The following PROM2 variants were observed in gnomAD, a reference collection of about 807,000 sequenced individuals.
PROM2 encodes the protein prominin 2.
Under a neutral mutation model 110.2 loss-of-function variants are expected in PROM2, and 90 were observed. The observed-to-expected ratio is 0.82, with a 90% confidence interval of 0.69 to 0.97. PROM2 has a LOEUF of 0.97. Among genes scored for constraint, PROM2 ranks in the 50% least tolerant of loss-of-function variants. The pLI, the probability that PROM2 is intolerant of heterozygous loss-of-function variation, is 0.00. For missense variants in PROM2, 1,009 were observed against 1,074.8 expected, an observed-to-expected ratio of 0.94 and a Z score of 0.86; for synonymous variants, 470 against 467.8, an observed-to-expected ratio of 1.00 and a Z score of -0.06.
rs981047059 is a variant in PROM2 at position 95,275,336 on chromosome 2, G to A, written c.245-125G>A. On this transcript the variant is annotated intron_variant, in intron 1 of 23. Coordinates refer to ENST00000317620, the MANE Select transcript of PROM2 (RefSeq NM_001165978.3). This position sits in a 1 kb window ranked among gnomAD's most constrained non-coding sequence, Gnocchi z 4.4. ...GGGCTGCGGTGATGCAGCCTTCTGC[G>A]AGGGTGCCATGGTGGTGGCAGGAGC... The A allele has an allele frequency of 2.0e-5, 17 of 851,852 alleles. No homozygotes were observed. The highest frequency in any genetic ancestry group is 1.0e-4 in the African/African-American group (6 of 59,028). 52.8% of individuals were successfully genotyped at this position (851,852 alleles called of 1,614,324 possible). A position where few individuals can be genotyped will look rare whatever the true frequency, so the allele number is the denominator to read the frequency against.
Position 95,276,885 on chromosome 2 carries a change from C to T in PROM2, c.683-87C>T, listed in dbSNP as rs975825178. On this transcript the variant is annotated intron_variant, in intron 5 of 23. Coordinates refer to ENST00000317620, the MANE Select transcript of PROM2 (RefSeq NM_001165978.3). The surrounding 1 kb of genome is among the most constrained non-coding windows in gnomAD (Gnocchi z 4.6). ...TCCACCCCCCGGCTCCTGCAGAGCC[C>T]GGTGGGGCCTGGGGAGGCAGGATGG... 7.2e-5 allele frequency: 101 copies of T among 1,404,550 alleles called. No individual in the cohort carries two copies. Among genetic ancestry groups the T allele is most frequent in the East Asian group, 1.2e-4 (5 of 40,074 alleles). 87.0% of individuals were successfully genotyped at this position (1,404,550 alleles called of 1,614,324 possible). A position where few individuals can be genotyped will look rare whatever the true frequency, so the allele number is the denominator to read the frequency against.
At position 95,276,996 on chromosome 2, in the gene PROM2, C is replaced by T. The variant is rs535604152; in HGVS notation, c.707C>T (p.Ala236Val). Residue 236 changes from alanine (A) to valine (V), a missense_variant, in exon 6 of 24, where the codon GCG becomes GTG. Coordinates refer to ENST00000317620, the MANE Select transcript of PROM2 (RefSeq NM_001165978.3). The surrounding 1 kb of genome is among the most constrained non-coding windows in gnomAD (Gnocchi z 4.6). ...GGTGTTGGTGTGAGCATTGGGAGCGCGATCCACACTCAGCTCAGGAGCTCC... is the reference window on the plus strand; with the variant it reads ...GGTGTTGGTGTGAGCATTGGGAGCGTGATCCACACTCAGCTCAGGAGCTCC... ...LDGVGVSIGSAIHTQLRSSVY... is the reference protein window; with the variant it reads ...LDGVGVSIGSVIHTQLRSSVY... 1.6e-5 allele frequency: 24 copies of T among 1,543,396 alleles called. No homozygotes were observed. Among genetic ancestry groups the T allele is most frequent in the South Asian group, 8.4e-5 (7 of 83,052 alleles).
chr2:95,278,026 T>A, intron 8 of PROM2, 22 bp downstream of exon 8: 1 of 1,597,200 alleles, frequency 6.3e-7, no homozygotes, highest in Non-Finnish European at 8.5e-7. Context: ...CTGGTCTGCC[T>A]GATTTCTCCC....
chr2:95,282,648 G>A (rs867667417), intron 14 of PROM2, among the ~76,000 whole-genome samples: 21 of 152,272 alleles, frequency 1.4e-4, no homozygotes, highest in Middle Eastern at 3.4e-3. Flanking sequence ...CAGGTGGGAG[G>A]TGGTGGTGGC....
chr2:95,281,125 C>T (rs1330698646), intron 11 of PROM2, 117 bp from the exon 12 acceptor site: 58 of 1,389,822 alleles, frequency 4.2e-5, no homozygotes, highest in Non-Finnish European at 5.3e-5. Context: ...CCTCTAAAGG[C>T]TCTGTGCTGG....
In PROM2 at chr2:95,279,959, A is replaced by G; in HGVS notation, c.1389A>G (p.Pro463=). ...GLSARDDPSH[P]EAKGEAGARF... ...CTGCCAGGGACGACCCCAGCCACCC[A>G]GAAGCCAAGGGCGAGGCTGGAGCCC... Residue 463 remains proline (P), a synonymous_variant, in exon 11 of 24, where the codon CCA becomes CCG. Coordinates refer to ENST00000317620, the MANE Select transcript of PROM2 (RefSeq NM_001165978.3). 6.6e-7 allele frequency: 1 copy of G among 1,510,950 alleles called. No individual in the cohort carries two copies. Among genetic ancestry groups the G allele is most frequent in the Admixed American group, 2.2e-5 (1 of 46,124 alleles). The allele number at this position is 1,510,950 out of a possible 1,614,324, so 93.6% of individuals were successfully genotyped here.
intron 14 of PROM2, among the ~76,000 whole-genome samples, chr2:95,284,166 C>T (rs1677207767): frequency 6.6e-6 from 1 of 152,152 alleles, no homozygotes; most frequent in Admixed American, 6.5e-5. Context: ...GCCCTGAGGG[C>T]CTGCTGTGTG....
chr2:95,278,020 T>TCTGCCTGATTTCTCCCTCACCTGCC lies in PROM2; in HGVS notation c.1050+17_1050+41dup. On this transcript the variant is annotated intron_variant, in intron 8 of 23. Coordinates refer to ENST00000317620, the MANE Select transcript of PROM2 (RefSeq NM_001165978.3). ...GGTCCAGGAGGTGAGAGCCACCTGG[T>TCTGCCTGATTTCTCCCTCACCTGCC]CTGCCTGATTTCTCCCTCACCTGCC... The TCTGCCTGATTTCTCCCTCACCTGCC allele has an allele frequency of 6.2e-7, 1 of 1,600,854 alleles. No individual in the cohort carries two copies.
chr2:95,288,263 G>C lies in PROM2; in HGVS notation c.2297G>C (p.Ser766Thr). 1 of 1,614,116 alleles carries C rather than the reference G, an allele frequency of 6.2e-7. No homozygotes were observed. Among genetic ancestry groups the C allele is most frequent in the Non-Finnish European group, 8.5e-7 (1 of 1,180,036 alleles). Reference sequence around the variant, plus strand: ...CCCCTCTCCGGAGCCCTGGACAACAGCCGTGTGATCCTGTGTGACATGATG... The same window carrying C: ...CCCCTCTCCGGAGCCCTGGACAACACCCGTGTGATCCTGTGTGACATGATG... ...CQPLSGALDNSRVILCDMMAD... is the reference protein window; with the variant it reads ...CQPLSGALDNTRVILCDMMAD... Residue 766 changes from serine (S) to threonine (T), a missense_variant, in exon 21 of 24, where the codon AGC becomes ACC. Ser to Thr is a moderately conservative substitution (Grantham distance 58, BLOSUM62 1). Transcript: ENST00000317620.
Position 95,285,097 on chromosome 2 carries a change from C to T in PROM2, c.1857C>T (p.Tyr619=), listed in dbSNP as rs201667203. Residue 619 remains tyrosine (Y), a synonymous_variant, in exon 15 of 24, where the codon TAC becomes TAT. Transcript: ENST00000317620. The part of the protein sequence containing the change: ...LQSSGLQRIH[Y]PDFLVQIQRP... The stretch of plus-strand genomic sequence containing the variant: ...GCAGTGGGCTTCAGCGCATCCACTA[C>T]CCCGACTTCCTCGTTCAGGTCAGCG... The T allele has an allele frequency of 3.9e-5, 62 of 1,581,874 alleles. No homozygotes were observed. The highest frequency in any genetic ancestry group is 5.0e-5 in the Non-Finnish European group (58 of 1,162,942).
At chr2:95,288,847 A>G in intron 22 of PROM2, 86 bp from the exon 23 acceptor site, 5 of 1,366,942 alleles carry the variant, frequency 3.7e-6, no homozygotes, top group Non-Finnish European at 5.2e-6. Context: ...CCGAGGAGAA[A>G]CCCTCAGGGC....
rs530865074 is a variant in PROM2, at chr2:95,285,757, G to C, written c.1947+47G>C. 21 of 1,541,110 alleles carry C rather than the reference G, an allele frequency of 1.4e-5. No homozygotes were observed. In the East Asian group the frequency reaches 4.8e-4, roughly 35 times the overall value. ...GACTGGGCAGCAGGAGCCACAGGGG[G>C]CTTGGGAGGCGGGAAAGGGTGGGAG... On this transcript the variant is annotated intron_variant, in intron 16 of 23. Coordinates refer to ENST00000317620, the MANE Select transcript of PROM2 (RefSeq NM_001165978.3).
In PROM2 at chr2:95,274,802, G is replaced by A. The variant is rs780249714; in HGVS notation, c.217G>A (p.Val73Met). 2.5e-6 allele frequency: 4 copies of A among 1,601,032 alleles called. No individual in the cohort carries two copies. Among genetic ancestry groups the A allele is most frequent in the Non-Finnish European group, 3.4e-6 (4 of 1,174,734 alleles). The change falls in exon 1 of 24, where the codon GTG (valine) becomes ATG (methionine). Residue 73 changes from valine to methionine, a missense_variant. Val to Met is a conservative substitution (Grantham distance 21, BLOSUM62 1). Transcript: ENST00000317620. ...LYGTVRRFLS[V>M]VQLNPFPSEL... ...TGGCACCGTGCGCCGCTTCCTCTCGGTGGTGCAGCTCAATCCTTTCCCTTC... is the reference window on the plus strand; with the variant it reads ...TGGCACCGTGCGCCGCTTCCTCTCGATGGTGCAGCTCAATCCTTTCCCTTC...
chr2:95,277,510 T>C lies in PROM2; in HGVS notation c.919T>C (p.Cys307Arg). 6.2e-7 allele frequency: 1 copy of C among 1,610,528 alleles called. No homozygotes were observed. The highest frequency in any genetic ancestry group is 8.5e-7 in the Non-Finnish European group (1 of 1,178,960). ...LLQEARCQGD[C>R]AGALSWARTL... ...GCAGGAGGCCAGGTGCCAGGGAGAT[T>C]GTGCAGGGGCCCTGAGCTGGGCCCG... The change falls in exon 7 of 24, where the codon TGT becomes CGT. Residue 307 changes from cysteine (C) to arginine (R), a missense_variant. Transcript: ENST00000317620.
chr2:95,286,926 C>T, intron 18 of PROM2, 69 bp downstream of exon 18: 3 of 1,534,244 alleles, frequency 2.0e-6, no homozygotes, highest in Non-Finnish European at 2.7e-6. Context: ...AGTAGGAGCC[C>T]ATCTCACTCT....
At chr2:95,278,534 G>C in intron 8 of PROM2, 187 bp from the exon 9 acceptor site, 1 of 672,676 alleles carries the variant, frequency 1.5e-6, no homozygotes. Flanking sequence ...GGTCCGGGAG[G>C]AGCAACGTTT....
rs1434478209 is a variant in PROM2 at position 95,285,129 on chromosome 2, A to G, written c.1875+14A>G. On this transcript the variant is annotated intron_variant, in intron 15 of 23. Transcript: ENST00000317620. The stretch of plus-strand genomic sequence containing the variant: ...TTCCTCGTTCAGGTCAGCGGTGGGC[A>G]CCTCAGCAGGGCTTCCTCAGCAGGT... 1.3e-6 allele frequency: 2 copies of G among 1,541,354 alleles called. No homozygotes were observed. Among genetic ancestry groups the G allele is most frequent in the East Asian group, 2.4e-5 (1 of 41,444 alleles).
In PROM2 at chr2:95,276,375, G is replaced by A; in HGVS notation, c.618+28G>A. 6.2e-7 allele frequency: 1 copy of A among 1,610,398 alleles called. No homozygotes were observed. Among genetic ancestry groups the A allele is most frequent in the Non-Finnish European group, 8.5e-7 (1 of 1,178,236 alleles). On this transcript the variant is annotated intron_variant, in intron 4 of 23. Coordinates refer to ENST00000317620, the MANE Select transcript of PROM2 (RefSeq NM_001165978.3). This position sits in a 1 kb window ranked among gnomAD's most constrained non-coding sequence, Gnocchi z 4.6. Reference sequence around the variant, plus strand: ...GAGCACTGTTACCCCTCACCCTCATGTGCCCCTGTGAGCACTGGGCCCGGG... The same window carrying A: ...GAGCACTGTTACCCCTCACCCTCATATGCCCCTGTGAGCACTGGGCCCGGG...
In PROM2 at chr2:95,279,932, G is replaced by C. The variant is rs749917831; in HGVS notation, c.1362G>C (p.Leu454=). ...LLGLNLGIWG[L]SARDDPSHPE... is the part of the protein sequence containing the mutation. ...GCCTCAATCTGGGCATCTGGGGCCTGTCTGCCAGGGACGACCCCAGCCACC... is the reference window on the plus strand; with the variant it reads ...GCCTCAATCTGGGCATCTGGGGCCTCTCTGCCAGGGACGACCCCAGCCACC... Residue 454 remains leucine (L), a synonymous_variant, in exon 11 of 24, where the codon CTG becomes CTC. Coordinates refer to ENST00000317620, the MANE Select transcript of PROM2 (RefSeq NM_001165978.3). The C allele has an allele frequency of 3.9e-6, 6 of 1,547,586 alleles. No homozygotes were observed. Among genetic ancestry groups the C allele is most frequent in the Admixed American group, 1.9e-5 (1 of 52,102 alleles).
Sources: allele counts gnomAD v4.1 joint callset (sites outside exome capture counted in the v4.1 genomes callset), GRCh38; gene constraint gnomAD v4.1.1; non-coding constraint Gnocchi (gnomAD v3.1); transcripts MANE v1.5; gene names NCBI Gene and HGNC (gene_info 2026-07-23, HGNC 2026-07-21).